GRIK2: variants seen among roughly 807,000 people sequenced by gnomAD.
GRIK2 encodes the protein glutamate receptor ionotropic, kainate 2.
A neutral mutation model predicts 100.3 loss-of-function variants in GRIK2; 32 were observed. That is an observed-to-expected ratio of 0.32 (90% CI 0.24 to 0.43). GRIK2 has a LOEUF of 0.43. GRIK2 is among the 20% of genes least tolerant of loss of function. The probability of loss-of-function intolerance (pLI) is 1.00; values close to 1 mark genes in which losing one functional copy is unlikely to be tolerated. For missense variants in GRIK2, 843 were observed against 1,114.9 expected (o/e 0.76, Z 3.47); for synonymous variants, 417 against 389.4 (o/e 1.07, Z -0.83).
chr6:101,696,438 T>G (rs562346647), intron 7 of GRIK2, among the ~76,000 whole-genome samples: 1 of 151,788 alleles, frequency 6.6e-6, no homozygotes, highest in Admixed American at 6.6e-5. Flanking sequence ...GCCTAATTGA[T>G]CCAAAAAAGT....
intron 7 of GRIK2, among the ~76,000 whole-genome samples, chr6:101,718,951 A>G (rs1774258768): frequency 6.6e-6 from 1 of 151,972 alleles, no homozygotes; most frequent in African/African-American, 2.4e-5. Flanking sequence ...AGTTTCTGCA[A>G]TTATTAAGCA....
chr6:101,571,429 T>C (rs75585669), intron 2 of GRIK2, among the ~76,000 whole-genome samples: 6,466 of 152,248 alleles, frequency 0.042, 198 homozygotes, highest in Middle Eastern at 0.1. Flanking sequence ...CACTGATGAG[T>C]TTGCATTAAT....
At position 102,027,003 on chromosome 6, in the gene GRIK2, G is replaced by A. The variant is rs116497962; in HGVS notation, c.2086-8338G>A. ...GTTCTTACCTAGCACATATGTTCCA[G>A]TATTGTTGGTAATTTATTTCTGTAA... On this transcript the variant is annotated intron_variant, in intron 14 of 16. Transcript: ENST00000369134. 5.8e-3 allele frequency among the ~76,000 whole-genome samples: 878 copies of A among 151,280 alleles called. 8 individuals carry two copies. Among genetic ancestry groups the A allele is most frequent in the African/African-American group, 0.02 (834 of 41,388 alleles).
intron 2 of GRIK2, among the ~76,000 whole-genome samples, chr6:101,603,596 C>A (rs1779319158): frequency 6.6e-6 from 1 of 151,744 alleles, no homozygotes; most frequent in Admixed American, 6.6e-5. Context: ...GCTTCTTACT[C>A]TCTTTTGGCA....
chr6:101,521,894 C>T (rs911160960), intron 2 of GRIK2, among the ~76,000 whole-genome samples: 2 of 151,778 alleles, frequency 1.3e-5, no homozygotes, highest in African/African-American at 4.8e-5. Context: ...CAGAAAAATG[C>T]ATTGTTTGGA....
intron 7 of GRIK2, among the ~76,000 whole-genome samples, chr6:101,751,246 A>G (rs1201965896): frequency 6.6e-6 from 1 of 151,782 alleles, no homozygotes; most frequent in Non-Finnish European, 1.5e-5. Flanking sequence ...GCTATTTTCT[A>G]AATTTCTTTT....
intron 14 of GRIK2, among the ~76,000 whole-genome samples, chr6:101,981,363 G>A (rs1793704647): frequency 6.6e-6 from 1 of 151,846 alleles, no homozygotes; most frequent in South Asian, 2.1e-4. Flanking sequence ...AACCAGCTGA[G>A]ATCCTTCACT....
chr6:101,854,348 C>G (rs913282791), intron 10 of GRIK2, among the ~76,000 whole-genome samples: 1 of 152,176 alleles, frequency 6.6e-6, no homozygotes, highest in Admixed American at 6.5e-5. Flanking sequence ...CAACCTCCAC[C>G]TCCCAGGTTC....
At chr6:101,599,051 C>T (rs529968975) in intron 2 of GRIK2, among the ~76,000 whole-genome samples, 214 of 151,512 alleles carry the variant, frequency 1.4e-3, no homozygotes, top group Non-Finnish European at 2.8e-3. Flanking sequence ...AGTTTTTCAA[C>T]CCTTGTCCCC....
chr6:101,802,247 A>T (rs1780717914), intron 8 of GRIK2, 84 bp from the exon 9 acceptor site: 1 of 485,372 alleles, frequency 2.1e-6, no homozygotes, highest in Non-Finnish European at 3.7e-6. Context: ...AAAAGTAATG[A>T]ATATAAGTTT....
In GRIK2 at chr6:102,055,446, A is replaced by C; in HGVS notation, c.2428A>C (p.Lys810Gln). 6.2e-7 allele frequency: 1 copy of C among 1,613,912 alleles called. No individual in the cohort carries two copies. Among genetic ancestry groups the C allele is most frequent in the South Asian group, 1.1e-5 (1 of 91,084 alleles). ...CAATGGTTGCCCAGAAGAGGAGAGC[A>C]AAGAGGCCAGTGCCCTGGGGGTTCA... is the stretch of plus-strand genomic sequence containing the variant. ...RGNGCPEEES[K>Q]EASALGVQNI... Residue 810 changes from lysine to glutamine, a missense_variant, in exon 16 of 17, where the codon AAA (lysine) becomes CAA (glutamine). Transcript: ENST00000369134.
At chr6:101,828,577 C>A (rs560142550) in intron 10 of GRIK2, among the ~76,000 whole-genome samples, 20 of 151,724 alleles carry the variant, frequency 1.3e-4, no homozygotes, top group Admixed American at 3.9e-4. Context: ...CAACTGAACA[C>A]AACATATGTG....
rs115469973 is a variant in GRIK2 at position 101,686,106 on chromosome 6, G to A, written c.778-74G>A. The A allele has an allele frequency of 2.7e-3, 3,372 of 1,266,440 alleles. 75 individuals carry two copies. The African/African-American group carries it at 0.045, about 17-fold the overall frequency. 78.5% of individuals were successfully genotyped at this position (1,266,440 alleles called of 1,614,324 possible). On this transcript the variant is annotated intron_variant, in intron 6 of 16. Transcript: ENST00000369134. Reference sequence around the variant, plus strand: ...AAGTGACCTAAAAAAAACAAAAAAAGTGACTATTTCAGTAATACATGCCTG... The same window carrying A: ...AAGTGACCTAAAAAAAACAAAAAAAATGACTATTTCAGTAATACATGCCTG...
chr6:101,635,552 A>G (rs1780963708), intron 4 of GRIK2, among the ~76,000 whole-genome samples: 1 of 152,138 alleles, frequency 6.6e-6, no homozygotes, highest in Non-Finnish European at 1.5e-5. Flanking sequence ...AGAAACTATC[A>G]TCAGAGTGAA....
chr6:101,665,992 AT>A (rs1770003403), intron 4 of GRIK2, among the ~76,000 whole-genome samples: 1 of 152,134 alleles, frequency 6.6e-6, no homozygotes, highest in Non-Finnish European at 1.5e-5. Flanking sequence ...ACGTAGCATT[AT>A]TTAGGCACCC....
chr6:101,516,929 T>C (rs1774616347), intron 2 of GRIK2, among the ~76,000 whole-genome samples: 1 of 152,102 alleles, frequency 6.6e-6, no homozygotes, highest in Non-Finnish European at 1.5e-5. Flanking sequence ...TTGACACTGA[T>C]AATTAACAGT....
At chr6:101,580,785 C>T (rs1418401762) in intron 2 of GRIK2, among the ~76,000 whole-genome samples, 1 of 152,050 alleles carries the variant, frequency 6.6e-6, no homozygotes, top group African/African-American at 2.4e-5. Flanking sequence ...TGGGAGTTTA[C>T]ACTTTGCTGT....
intron 16 of GRIK2, among the ~76,000 whole-genome samples, chr6:102,057,304 C>T (rs1707020444): frequency 6.6e-6 from 1 of 151,926 alleles, no homozygotes; most frequent in South Asian, 2.1e-4. Context: ...ATTGTGCTTA[C>T]CTCTATGTGT....
At chr6:101,805,819 TA>T (rs1254153383) in intron 9 of GRIK2, among the ~76,000 whole-genome samples, 1 of 152,064 alleles carries the variant, frequency 6.6e-6, no homozygotes, top group African/African-American at 2.4e-5. Flanking sequence ...TGAAAACAGT[TA>T]ACAGGAAGGA....
Sources: allele counts gnomAD v4.1 joint callset (sites outside exome capture counted in the v4.1 genomes callset), GRCh38; gene constraint gnomAD v4.1.1; transcripts MANE v1.5; gene names NCBI Gene and HGNC (gene_info 2026-07-23, HGNC 2026-07-21).